Variants in KIAA1328 observed in about 807,000 individuals in gnomAD.
The protein encoded by KIAA1328 is KIAA1328, also known as protein hinderin.
KIAA1328 carries 52 observed loss-of-function variants against 68.1 expected under a neutral mutation model. That is an observed-to-expected ratio of 0.76 (90% confidence interval 0.61 to 0.96). KIAA1328 has a LOEUF of 0.96. Ranked by LOEUF, KIAA1328 falls within the 40% of genes least tolerant of loss-of-function variation. The pLI is 0.00. For missense variants in KIAA1328, 641 were observed against 677.6 expected (o/e 0.95, Z 0.60); for synonymous variants, 232 against 239.4 (o/e 0.97, Z 0.28).
intron 6 of KIAA1328, among the ~76,000 whole-genome samples, chr18:37,002,233 T>TC (rs2053615259): frequency 7.0e-6 from 1 of 143,828 alleles, no homozygotes. Flanking sequence ...TTTTTCTTTT[T>TC]TTTTTTTTTT....
chr18:37,004,644 G>A (rs2053711697), intron 6 of KIAA1328, among the ~76,000 whole-genome samples: 1 of 152,106 alleles, frequency 6.6e-6, no homozygotes, highest in South Asian at 2.1e-4. Flanking sequence ...CTTCTATACT[G>A]TTGGTAGGAA....
chr18:37,192,863 G>A (rs1358683144), intron 9 of KIAA1328, among the ~76,000 whole-genome samples: 1 of 152,114 alleles, frequency 6.6e-6, no homozygotes, highest in African/African-American at 2.4e-5. Flanking sequence ...ACAGGCATGG[G>A]GATCAAAGGA....
At chr18:36,975,191 T>C (rs2052413590) in intron 6 of KIAA1328, among the ~76,000 whole-genome samples, 1 of 148,258 alleles carries the variant, frequency 6.7e-6, no homozygotes, top group Admixed American at 6.7e-5. Flanking sequence ...TTTTTTTTTT[T>C]TTTTTTTTTG....
intron 7 of KIAA1328, among the ~76,000 whole-genome samples, chr18:37,135,775 A>T (rs935742720): frequency 6.6e-6 from 1 of 152,086 alleles, no homozygotes; most frequent in African/African-American, 2.4e-5. Flanking sequence ...GTCCAGAATG[A>T]TATTTCCTAG....
intron 7 of KIAA1328, among the ~76,000 whole-genome samples, chr18:37,130,054 T>C (rs2058485682): frequency 6.6e-6 from 1 of 152,188 alleles, no homozygotes; most frequent in Non-Finnish European, 1.5e-5. Flanking sequence ...GGGAGAGGTC[T>C]GAGCTAAATA....
At chr18:36,857,339 T>C (rs1230698908) in intron 4 of KIAA1328, among the ~76,000 whole-genome samples, 1 of 152,226 alleles carries the variant, frequency 6.6e-6, no homozygotes, top group Admixed American at 6.5e-5. Context: ...GTGAGTAGTA[T>C]ATGTCATCTT....
intron 5 of KIAA1328, among the ~76,000 whole-genome samples, chr18:36,950,761 A>G (rs79986297): frequency 1.5e-3 from 231 of 152,254 alleles, no homozygotes; most frequent in Admixed American, 2.4e-3. Flanking sequence ...TGGGTTCAGT[A>G]TTTCCCCCAA....
At chr18:37,109,340 T>G (rs1038236769) in intron 7 of KIAA1328, among the ~76,000 whole-genome samples, 4 of 152,200 alleles carry the variant, frequency 2.6e-5, no homozygotes, top group Non-Finnish European at 4.4e-5. Flanking sequence ...AATTGTAGAT[T>G]GATGACACTT....
intron 6 of KIAA1328, among the ~76,000 whole-genome samples, chr18:36,988,156 A>G (rs1191389299): frequency 6.6e-6 from 1 of 152,222 alleles, no homozygotes; most frequent in Non-Finnish European, 1.5e-5. Flanking sequence ...ACGTTCACAT[A>G]TATGAGCAAT....
chr18:37,070,680 C>G (rs969137693), intron 7 of KIAA1328, among the ~76,000 whole-genome samples: 13 of 151,614 alleles, frequency 8.6e-5, no homozygotes. Flanking sequence ...AAGCAATTCT[C>G]CTGCCTCAGC....
intron 6 of KIAA1328, among the ~76,000 whole-genome samples, chr18:37,018,161 T>C (rs2054218285): frequency 6.6e-6 from 1 of 152,174 alleles, no homozygotes; most frequent in South Asian, 2.1e-4. Flanking sequence ...CTAGTGGTAA[T>C]GAATTTCCTT....
rs2060610253 is a variant in KIAA1328, at chr18:37,224,183, A to G, written c.*1956A>G. ...TACTTGACTCCCATAGACTACTCCC[A>G]TGCCCACAGTCACCCATTCCAGACT... On this transcript the variant is annotated 3_prime_UTR_variant, in exon 10 of 10. Transcript: ENST00000280020. The G allele has an allele frequency of 1.0e-6, 1 of 985,404 alleles. No individual in the cohort carries two copies. Among genetic ancestry groups the G allele is most frequent in the Non-Finnish European group, 1.2e-6 (1 of 829,922 alleles). 61.0% of individuals were successfully genotyped at this position (985,404 alleles called of 1,614,324 possible).
chr18:36,876,123 T>C (rs572904028), intron 4 of KIAA1328, among the ~76,000 whole-genome samples: 34 of 152,220 alleles, frequency 2.2e-4, no homozygotes, highest in African/African-American at 7.5e-4. Flanking sequence ...TGGCGTGAAA[T>C]TTTCTTTTTT....
chr18:37,130,548 G>T (rs2058498407), intron 7 of KIAA1328, among the ~76,000 whole-genome samples: 1 of 152,086 alleles, frequency 6.6e-6, no homozygotes, highest in East Asian at 1.9e-4. Flanking sequence ...AACCCAGGAG[G>T]CGGAGGTTGC....
chr18:37,036,746 C>A lies in KIAA1328; in HGVS notation c.577-30144C>A, dbSNP rs568483305. On this transcript the variant is annotated intron_variant, in intron 6 of 9. Transcript: ENST00000280020. ...AGTTCAGCTTTGTGTTGTTTACATG[C>A]ACACACACACATACACACCTGAAGT... 1.2e-4 allele frequency among the ~76,000 whole-genome samples: 18 copies of A among 152,224 alleles called. No individual in the cohort carries two copies. The South Asian group carries it at 3.7e-3, about 32-fold the overall frequency.
At chr18:36,990,316 T>G (rs1376773617) in intron 6 of KIAA1328, among the ~76,000 whole-genome samples, 1 of 152,164 alleles carries the variant, frequency 6.6e-6, no homozygotes, top group Non-Finnish European at 1.5e-5. Context: ...AGTGTTTTAG[T>G]GTATGGACAT....
At chr18:36,902,226 T>C (rs2049063126) in intron 5 of KIAA1328, 1 of 151,532 alleles carries the variant, frequency 6.6e-6, no homozygotes, top group Non-Finnish European at 1.5e-5. Context: ...ATAAAGCTAT[T>C]TGTGATTGCG....
chr18:37,039,467 C>G (rs2055157795), intron 6 of KIAA1328, among the ~76,000 whole-genome samples: 1 of 151,344 alleles, frequency 6.6e-6, no homozygotes, highest in Non-Finnish European at 1.5e-5. Flanking sequence ...GGCTGGAGTG[C>G]AGTGGCGCAA....
chr18:37,077,206 G>C (rs1286629866), intron 7 of KIAA1328, among the ~76,000 whole-genome samples: 7 of 142,968 alleles, frequency 4.9e-5, no homozygotes, highest in Admixed American at 4.8e-4. Flanking sequence ...ATGTAATCCA[G>C]CATGTAAACA....
Sources: gnomAD v4.1 joint callset for allele counts (sites outside exome capture counted in the v4.1 genomes callset) on GRCh38, gnomAD v4.1.1 for gene constraint, MANE v1.5 for transcripts, NCBI Gene and HGNC (gene_info 2026-07-23, HGNC 2026-07-21) for gene names.